The following CHRDL1 variants were observed in gnomAD, a reference collection of about 807,000 sequenced individuals.
The protein encoded by CHRDL1 is chordin like 1, also known as chordin-like protein 1.
Under a neutral mutation model 40.9 loss-of-function variants are expected in CHRDL1, and 19 were observed. That is an observed-to-expected ratio of 0.46 (90% CI 0.32 to 0.68). The LOEUF (loss-of-function observed/expected upper bound fraction) is 0.68, where lower values mean the gene tolerates loss of function less well. Ranked by LOEUF, CHRDL1 falls within the 30% of genes least tolerant of loss-of-function variation. CHRDL1 has a pLI of 0.03. For synonymous variants in CHRDL1, 136 were observed against 123.4 expected, an observed-to-expected ratio of 1.10 and a Z score of -0.68; for missense variants, 329 against 352.1, an observed-to-expected ratio of 0.93 and a Z score of 0.53.
At chrX:110,794,161 G>C (rs2090146267) in intron 1 of CHRDL1, among the ~76,000 whole-genome samples, 1 of 112,021 alleles carries the variant, frequency 8.9e-6, no homozygotes, top group South Asian at 3.8e-4. Flanking sequence ...TTCTTTTAGG[G>C]AAGGGGGTGG....
intron 4 of CHRDL1, among the ~76,000 whole-genome samples, chrX:110,723,863 A>G (rs2071008915): frequency 8.9e-6 from 1 of 112,671 alleles, no homozygotes; most frequent in Non-Finnish European, 1.9e-5. Context: ...CTACTTATTA[A>G]TGACCCTTTA....
intron 9 of CHRDL1, among the ~76,000 whole-genome samples, chrX:110,686,250 A>C (rs1359780663): frequency 9.0e-6 from 1 of 111,276 alleles, no homozygotes; most frequent in African/African-American, 3.3e-5. Context: ...TTTTAAAAGC[A>C]ATGACTGTTG....
intron 2 of CHRDL1, among the ~76,000 whole-genome samples, chrX:110,769,324 C>T (rs2089715055): frequency 8.9e-6 from 1 of 112,113 alleles, no homozygotes; most frequent in Admixed American, 9.5e-5. Flanking sequence ...TTCTTCAGTC[C>T]AGTGCAGATT....
intron 6 of CHRDL1, among the ~76,000 whole-genome samples, chrX:110,705,304 T>TATATATATATATACACACAC (rs1491498596): frequency 6.1e-4 from 47 of 77,587 alleles, no homozygotes; most frequent in African/African-American, 2.5e-3. Context: ...TATATATATA[T>TATATATATATATACACACAC]ACACACACAC....
chrX:110,781,007 C>A (rs983489942), intron 2 of CHRDL1, among the ~76,000 whole-genome samples: 1 of 111,012 alleles, frequency 9.0e-6, no homozygotes, highest in African/African-American at 3.3e-5. Context: ...CTTAGCAATA[C>A]ATTTTTTTTT....
chrX:110,747,319 G>A (rs1157442890), intron 4 of CHRDL1, among the ~76,000 whole-genome samples: 1 of 108,225 alleles, frequency 9.2e-6, no homozygotes, highest in African/African-American at 3.4e-5. Flanking sequence ...AGAGGACAAG[G>A]AGCACACCTT....
intron 6 of CHRDL1, among the ~76,000 whole-genome samples, chrX:110,705,961 C>T (rs1047544228): frequency 9.1e-6 from 1 of 110,372 alleles, no homozygotes; most frequent in African/African-American, 3.3e-5. Context: ...AGCTGCTAAA[C>T]GTTTTAACAT....
intron 4 of CHRDL1, among the ~76,000 whole-genome samples, chrX:110,741,616 T>C (rs2071361697): frequency 1.8e-5 from 2 of 111,318 alleles, no homozygotes; most frequent in South Asian, 7.8e-4. Flanking sequence ...GGGGTGTATA[T>C]GGTGTGGCCG....
chrX:110,792,307 A>C, intron 1 of CHRDL1, 92 bp from the exon 2 acceptor site: 1 of 412,029 alleles, frequency 2.4e-6, no homozygotes, highest in Non-Finnish European at 4.2e-6. Flanking sequence ...TGCTAGAATA[A>C]AAAAAAAATG....
At chrX:110,702,427 G>A (rs1055855596) in intron 6 of CHRDL1, among the ~76,000 whole-genome samples, 5 of 112,140 alleles carry the variant, frequency 4.5e-5, no homozygotes, top group Non-Finnish European at 7.5e-5. Context: ...TATAGAGGAC[G>A]TCAAGCATAA....
At chrX:110,706,375 G>A (rs1366480099) in intron 6 of CHRDL1, among the ~76,000 whole-genome samples, 2 of 112,040 alleles carry the variant, frequency 1.8e-5, no homozygotes, top group African/African-American at 6.5e-5. Flanking sequence ...GTAGTGTACT[G>A]TATGTCAAAC....
chrX:110,749,183 C>G (rs761746087), intron 4 of CHRDL1, among the ~76,000 whole-genome samples: 1 of 111,374 alleles, frequency 9.0e-6, no homozygotes, highest in Non-Finnish European at 1.9e-5. Flanking sequence ...AGTGTGGACT[C>G]TGATTTGGCC....
intron 1 of CHRDL1, 186 bp downstream of exon 1, chrX:110,795,558 A>T (rs1320324557): frequency 9.0e-6 from 1 of 111,369 alleles, no homozygotes; most frequent in East Asian, 2.8e-4. Flanking sequence ...TTTGGTCAGA[A>T]GCCTTGGGCC....
At chrX:110,689,072 G>GTGTATA (rs1491356112) in intron 8 of CHRDL1, among the ~76,000 whole-genome samples, 1 of 31,191 alleles carries the variant, frequency 3.2e-5, no homozygotes, top group East Asian at 1.0e-3. Context: ...ATATATATAT[G>GTGTATA]TATATATATA....
In CHRDL1 at chrX:110,720,359, A is replaced by G. The variant is rs750569303; in HGVS notation, c.448-431T>C. ...CTCTCCCTTCCAAACCAAAGGAACA[A>G]GCTCTCTGGGGTAATACAAAACTAT... On this transcript the variant is annotated intron_variant, in intron 5 of 11. Coordinates refer to ENST00000372042, the MANE Select transcript of CHRDL1 (RefSeq NM_001143981.2). 2.7e-5 allele frequency among the ~76,000 whole-genome samples: 3 copies of G among 111,928 alleles called. No homozygotes were observed. In the East Asian group the frequency reaches 8.5e-4, roughly 32 times the overall value.
intron 11 of CHRDL1, among the ~76,000 whole-genome samples, chrX:110,679,120 A>C (rs2069841538): frequency 9.0e-6 from 1 of 111,427 alleles, no homozygotes; most frequent in Non-Finnish European, 1.9e-5. Flanking sequence ...CTCAGACTAC[A>C]TCTGGGTTTG....
At chrX:110,768,961 TCA>T (rs1265905836) in intron 2 of CHRDL1, among the ~76,000 whole-genome samples, 2 of 111,558 alleles carry the variant, frequency 1.8e-5, no homozygotes, top group African/African-American at 6.5e-5. Flanking sequence ...CTCAAACCAC[TCA>T]CTCTCCTTTG....
chrX:110,773,151 T>C (rs976247039), intron 2 of CHRDL1, among the ~76,000 whole-genome samples: 6 of 112,336 alleles, frequency 5.3e-5, no homozygotes, highest in African/African-American at 1.9e-4. Flanking sequence ...TTTTTCTAGC[T>C]TCCCAGGGTG....
At chrX:110,726,080 G>T (rs1673996614) in intron 4 of CHRDL1, among the ~76,000 whole-genome samples, 1 of 111,141 alleles carries the variant, frequency 9.0e-6, no homozygotes, top group African/African-American at 3.3e-5. Flanking sequence ...TGACAAAAAG[G>T]CCTTGAAAGA....
Sources: gnomAD v4.1 joint callset for allele counts (sites outside exome capture counted in the v4.1 genomes callset) on GRCh38, gnomAD v4.1.1 for gene constraint, MANE v1.5 for transcripts, NCBI Gene and HGNC (gene_info 2026-07-23, HGNC 2026-07-21) for gene names.